Variants in WFDC3 observed in about 807,000 individuals in gnomAD.
WFDC3 encodes the protein WAP four-disulfide core domain 3, also known as WAP four-disulfide core domain protein 3.
A neutral mutation model predicts 25.8 loss-of-function variants in WFDC3; 15 were observed. The ratio of observed to expected loss-of-function variants is 0.58; its 90% CI spans 0.39 to 0.89. The LOEUF is 0.89. Among genes scored for constraint, WFDC3 ranks in the 40% least tolerant of loss-of-function variants. WFDC3 has a pLI of 0.00. For synonymous variants in WFDC3, 103 were observed against 107.1 expected, an observed-to-expected ratio of 0.96 and a Z score of 0.24; for missense variants, 264 against 289.8, an observed-to-expected ratio of 0.91 and a Z score of 0.65.
chr20:45,790,860 G>A (rs1036989943), intron 1 of WFDC3: 7 of 470,670 alleles, frequency 1.5e-5, no homozygotes, highest in African/African-American at 1.2e-4. Flanking sequence ...TTCTTGGACT[G>A]TATGAAGTCT....
intron 6 of WFDC3, 21 bp from the exon 7 acceptor site, chr20:45,774,465 A>C: frequency 6.2e-7 from 1 of 1,614,032 alleles, no homozygotes; most frequent in Non-Finnish European, 8.5e-7. Flanking sequence ...AAGAAACATC[A>C]AGTCACAGCT....
intron 5 of WFDC3, among the ~76,000 whole-genome samples, chr20:45,776,631 A>G (rs1408136752): frequency 2.0e-4 from 14 of 69,320 alleles, no homozygotes; most frequent in South Asian, 5.9e-4. Flanking sequence ...AGAAAAAAAA[A>G]AAAAATATAT....
rs1355062981 is a variant in WFDC3, at chr20:45,787,996, G to A, written c.212-14C>T. On this transcript the variant is annotated splice_polypyrimidine_tract_variant and intron_variant, in intron 3 of 6. Transcript: ENST00000243938. Reference sequence around the variant, plus strand: ...CTCTTTTCCTCCCTGTAGCAAAAAGGGAGACAGCAAAGAAAAGAGAAAATA... The same window carrying A: ...CTCTTTTCCTCCCTGTAGCAAAAAGAGAGACAGCAAAGAAAAGAGAAAATA... The A allele has an allele frequency of 6.2e-7, 1 of 1,610,216 alleles. No homozygotes were observed. The highest frequency in any genetic ancestry group is 1.1e-5 in the South Asian group (1 of 90,442).
Position 45,777,093 on chromosome 20 carries a change from G to A in WFDC3, c.475C>T (p.Leu159Phe), listed in dbSNP as rs926483735. ...CCSTGCGRTC[L>F]GDIEGGRGGD... The stretch of plus-strand genomic sequence containing the variant: ...AACATACCTCCCTCAATGTCTCCGA[G>A]GCAGGTGCGGCCACAGCCGGTGCTG... Residue 159 changes from leucine to phenylalanine, a missense_variant, in exon 5 of 7, where the codon CTC becomes TTC. Coordinates refer to ENST00000243938, the MANE Select transcript of WFDC3 (RefSeq NM_080614.2). 4.3e-6 allele frequency: 7 copies of A among 1,612,762 alleles called. No individual in the cohort carries two copies. Among genetic ancestry groups the A allele is most frequent in the Non-Finnish European group, 5.9e-6 (7 of 1,179,568 alleles).
intron 4 of WFDC3, among the ~76,000 whole-genome samples, chr20:45,787,021 G>A (rs1335940432): frequency 6.8e-6 from 1 of 147,584 alleles, no homozygotes; most frequent in African/African-American, 2.5e-5. Context: ...TTGAACCTGG[G>A]AGGCAGAGGT....
chr20:45,777,155 T>C lies in WFDC3; in HGVS notation c.413A>G (p.Asp138Gly). 1 of 1,605,920 alleles carries C rather than the reference T, an allele frequency of 6.2e-7. No homozygotes were observed. ...ADPLPCEELC[D>G]GDASCPQGHK... ...CCCCTGGGGACAGGATGCATCCCCATCACACAGCTCCTCACACGGAAGGGG... is the reference window on the plus strand; with the variant it reads ...CCCCTGGGGACAGGATGCATCCCCACCACACAGCTCCTCACACGGAAGGGG... Residue 138 changes from aspartate to glycine, a missense_variant, in exon 5 of 7, where the codon GAT (aspartate) becomes GGT (glycine). By Grantham distance (94) the Asp-to-Gly change is moderately conservative. Coordinates refer to ENST00000243938, the MANE Select transcript of WFDC3 (RefSeq NM_080614.2).
rs557559482 is a variant in WFDC3, at chr20:45,791,094, C to T, written c.-8+738G>A. ...ATCAAAAAGTTTGGAGCCAGGAAGTCGCCCTTATGGTTAGAAGGCTGATGT... is the reference window on the plus strand; with the variant it reads ...ATCAAAAAGTTTGGAGCCAGGAAGTTGCCCTTATGGTTAGAAGGCTGATGT... On this transcript the variant is annotated intron_variant, in intron 1 of 6. Transcript: ENST00000243938. Among the ~76,000 whole-genome samples the T allele has an allele frequency of 4.0e-5, 6 of 150,440 alleles. No individual in the cohort carries two copies. In the South Asian group the frequency reaches 1.1e-3, roughly 26 times the overall value.
intron 5 of WFDC3, 101 bp from the exon 6 acceptor site, chr20:45,775,703 C>G: frequency 6.8e-7 from 1 of 1,463,870 alleles, no homozygotes; most frequent in Non-Finnish European, 9.4e-7. Flanking sequence ...GTCAATCAAC[C>G]CCTGACCCTC....
intron 4 of WFDC3, 128 bp from the exon 5 acceptor site, chr20:45,777,337 A>G (rs1249520128): frequency 9.4e-7 from 1 of 1,060,118 alleles, no homozygotes; most frequent in Non-Finnish European, 1.2e-6. Context: ...ATTTATGTGT[A>G]TCATGTATCT....
At chr20:45,776,609 A>T (rs1412850608) in intron 5 of WFDC3, among the ~76,000 whole-genome samples, 1 of 52,702 alleles carries the variant, frequency 1.9e-5, no homozygotes, top group Non-Finnish European at 3.6e-5. Context: ...AAAAAAAAAA[A>T]AAAGAAAAAA....
intron 1 of WFDC3, chr20:45,790,989 G>T: frequency 2.1e-6 from 1 of 465,586 alleles, no homozygotes. Flanking sequence ...TCATGCCTTT[G>T]GTTAGCTGTG....
chr20:45,782,889 A>T (rs1980510446), intron 4 of WFDC3, among the ~76,000 whole-genome samples: 1 of 152,182 alleles, frequency 6.6e-6, no homozygotes. Context: ...TATTGCACTT[A>T]GAATAAAGCC....
intron 2 of WFDC3, 146 bp from the exon 3 acceptor site, chr20:45,789,205 T>TA (rs11478994): frequency 5.9e-3 from 4,617 of 782,802 alleles, no homozygotes; most frequent in Middle Eastern, 0.013. Context: ...CCCTGTCTCT[T>TA]AAAAAAAAAA....
chr20:45,777,076 T>G lies in WFDC3; in HGVS notation c.492A>C (p.Gly164=). The change falls in exon 5 of 7, where the codon GGA becomes GGC. Residue 164 remains glycine (G), a splice_region_variant and synonymous_variant. Transcript: ENST00000243938. The part of the protein sequence containing the change: ...CGRTCLGDIE[G]GRGGDCPKVL... ...TTCTTCCCAAAAGAGCCAACATACC[T>G]CCCTCAATGTCTCCGAGGCAGGTGC... The G allele has an allele frequency of 2.5e-6, 4 of 1,612,546 alleles. No individual in the cohort carries two copies. Among genetic ancestry groups the G allele is most frequent in the Non-Finnish European group, 3.4e-6 (4 of 1,179,596 alleles).
intron 4 of WFDC3, among the ~76,000 whole-genome samples, chr20:45,780,976 A>G (rs1980415266): frequency 6.6e-6 from 1 of 151,996 alleles, no homozygotes; most frequent in South Asian, 2.1e-4. Context: ...TCAGTGGCTC[A>G]TGCCTGTAAT....
At chr20:45,787,804 A>G in intron 4 of WFDC3, 32 bp downstream of exon 4, 1 of 1,585,462 alleles carries the variant, frequency 6.3e-7, no homozygotes. Flanking sequence ...CAGACCAAAC[A>G]GACCATGAGG....
In WFDC3 at chr20:45,777,101, C is replaced by T. The variant is rs749135049; in HGVS notation, c.467G>A (p.Arg156His). ...GHKCCSTGCGRTCLGDIEGGR... is the reference protein window; with the variant it reads ...GHKCCSTGCGHTCLGDIEGGR... ...TCCCTCAATGTCTCCGAGGCAGGTGCGGCCACAGCCGGTGCTGCAGCATTT... is the reference window on the plus strand; with the variant it reads ...TCCCTCAATGTCTCCGAGGCAGGTGTGGCCACAGCCGGTGCTGCAGCATTT... The change falls in exon 5 of 7, where the codon CGC becomes CAC. Residue 156 changes from arginine (R) to histidine (H), a missense_variant. Physicochemically the swap from Arg to His is conservative, Grantham distance 29. Transcript: ENST00000243938. 23 of 1,612,276 alleles carry T rather than the reference C, an allele frequency of 1.4e-5. No homozygotes were observed. The highest frequency in any genetic ancestry group is 2.2e-5 in the East Asian group (1 of 44,692).
At chr20:45,787,446 A>G (rs929495001) in intron 4 of WFDC3, among the ~76,000 whole-genome samples, 3 of 151,312 alleles carry the variant, frequency 2.0e-5, no homozygotes, top group Admixed American at 6.6e-5. Flanking sequence ...ACCCGCCACC[A>G]CGCCCGGCTA....
intron 4 of WFDC3, among the ~76,000 whole-genome samples, chr20:45,787,187 T>C (rs2145689395): frequency 6.6e-6 from 1 of 150,956 alleles, no homozygotes; most frequent in African/African-American, 2.4e-5. Flanking sequence ...CTTTTTTTTT[T>C]TTCTGTCTCT....
Sources: gnomAD v4.1 joint callset for allele counts (sites outside exome capture counted in the v4.1 genomes callset) on GRCh38, gnomAD v4.1.1 for gene constraint, MANE v1.5 for transcripts, NCBI Gene and HGNC (gene_info 2026-07-23, HGNC 2026-07-21) for gene names.